PCDH9: variants seen among roughly 807,000 people sequenced by gnomAD.
PCDH9 encodes protocadherin 9.
Under a neutral mutation model 70.6 loss-of-function variants are expected in PCDH9, and 24 were observed. The observed-to-expected ratio is 0.34, with a 90% CI of 0.25 to 0.48. The LOEUF is 0.48. Among genes scored for constraint, PCDH9 ranks in the 20% least tolerant of loss-of-function variants. The probability of loss-of-function intolerance (pLI) is 0.99; values close to 1 mark genes in which losing one functional copy is unlikely to be tolerated. For synonymous variants in PCDH9, 562 were observed against 558.5 expected (o/e 1.01, Z -0.09); for missense variants, 1,281 against 1,503.6 (o/e 0.85, Z 2.45).
At chr13:66,695,670 C>G (rs529665491) in intron 3 of PCDH9, among the ~76,000 whole-genome samples, 52 of 152,168 alleles carry the variant, frequency 3.4e-4, no homozygotes, top group African/African-American at 1.3e-3. Context: ...CTAACTGTAT[C>G]CTGAAAAACT....
At chr13:66,656,804 T>C (rs1039129403) in intron 3 of PCDH9, among the ~76,000 whole-genome samples, 1 of 152,176 alleles carries the variant, frequency 6.6e-6, no homozygotes, top group African/African-American at 2.4e-5. Flanking sequence ...ATGAGTTAGG[T>C]ACAGTGTTGA....
At chr13:66,462,782 A>G (rs911417553) in intron 4 of PCDH9, among the ~76,000 whole-genome samples, 6 of 151,770 alleles carry the variant, frequency 4.0e-5, no homozygotes, top group Non-Finnish European at 5.9e-5. Flanking sequence ...CCTGCAGGTC[A>G]GTCCCCAAAG....
chr13:66,307,132 C>A (rs1566230582), intron 4 of PCDH9, among the ~76,000 whole-genome samples: 1 of 152,018 alleles, frequency 6.6e-6, no homozygotes, highest in Non-Finnish European at 1.5e-5. Flanking sequence ...TGATGAATAA[C>A]AAATTTCCTA....
intron 2 of PCDH9, among the ~76,000 whole-genome samples, chr13:67,023,622 A>C (rs967407433): frequency 1.3e-5 from 2 of 152,192 alleles, no homozygotes; most frequent in South Asian, 2.1e-4. Flanking sequence ...TGGACAAATA[A>C]ATGAATGCTC....
At chr13:66,326,821 T>C (rs1480703660) in intron 4 of PCDH9, among the ~76,000 whole-genome samples, 1 of 151,346 alleles carries the variant, frequency 6.6e-6, no homozygotes, top group Non-Finnish European at 1.5e-5. Flanking sequence ...TAAAAATAAA[T>C]GTATGAATTT....
chr13:66,672,482 G>A (rs1452709681), intron 3 of PCDH9, among the ~76,000 whole-genome samples: 1 of 152,186 alleles, frequency 6.6e-6, no homozygotes, highest in Non-Finnish European at 1.5e-5. Flanking sequence ...ATGCAGGAGG[G>A]AAATGAGGGG....
intron 3 of PCDH9, among the ~76,000 whole-genome samples, chr13:66,816,095 T>C (rs886442639): frequency 1.3e-5 from 2 of 152,242 alleles, no homozygotes; most frequent in African/African-American, 4.8e-5. Flanking sequence ...GTTCATTGAG[T>C]GCCACTAGGC....
intron 2 of PCDH9, among the ~76,000 whole-genome samples, chr13:66,943,182 G>A (rs530429641): frequency 1.3e-4 from 19 of 151,962 alleles, no homozygotes; most frequent in East Asian, 1.9e-4. Flanking sequence ...GCAATATTAC[G>A]TCTTATATTA....
intron 4 of PCDH9, among the ~76,000 whole-genome samples, chr13:66,533,649 AC>A (rs548480074): frequency 8.4e-4 from 128 of 152,266 alleles, no homozygotes; most frequent in African/African-American, 2.9e-3. Context: ...TCTGAAATAA[AC>A]AAAAACCATT....
chr13:66,447,833 C>A (rs1958125759), intron 4 of PCDH9, among the ~76,000 whole-genome samples: 1 of 152,074 alleles, frequency 6.6e-6, no homozygotes, highest in South Asian at 2.1e-4. Flanking sequence ...AGATTATTAT[C>A]TTGAATGTAT....
chr13:66,691,046 T>A (rs979622771), intron 3 of PCDH9, among the ~76,000 whole-genome samples: 5 of 152,174 alleles, frequency 3.3e-5, no homozygotes, highest in African/African-American at 1.2e-4. Flanking sequence ...TTATTTATTT[T>A]ATTTATTTTG....
chr13:66,754,640 T>C (rs2079513004), intron 3 of PCDH9, among the ~76,000 whole-genome samples: 1 of 152,134 alleles, frequency 6.6e-6, no homozygotes, highest in African/African-American at 2.4e-5. Flanking sequence ...CAGTTGCTGA[T>C]TGACTAACTT....
intron 3 of PCDH9, among the ~76,000 whole-genome samples, chr13:66,713,311 C>T (rs1335603486): frequency 6.6e-6 from 1 of 151,972 alleles, no homozygotes; most frequent in Non-Finnish European, 1.5e-5. Flanking sequence ...TTTCATATCA[C>T]TGCCATATTA....
intron 2 of PCDH9, among the ~76,000 whole-genome samples, chr13:67,011,124 T>A (rs553647397): frequency 6.6e-6 from 1 of 152,040 alleles, no homozygotes; most frequent in East Asian, 1.9e-4. Context: ...ATCATTTGTA[T>A]TGCCCCTTTT....
At chr13:67,073,763 T>C (rs1228478248) in intron 2 of PCDH9, among the ~76,000 whole-genome samples, 1 of 152,142 alleles carries the variant, frequency 6.6e-6, no homozygotes, top group Non-Finnish European at 1.5e-5. Context: ...GTTTGGTAAC[T>C]TTCATTTTGT....
chr13:66,477,289 T>C (rs1285735369), intron 4 of PCDH9, among the ~76,000 whole-genome samples: 1 of 152,150 alleles, frequency 6.6e-6, no homozygotes, highest in Non-Finnish European at 1.5e-5. Flanking sequence ...CTCAGTTTGC[T>C]CACCTATAAA....
At chr13:66,759,883 T>C (rs1477519243) in intron 3 of PCDH9, among the ~76,000 whole-genome samples, 1 of 152,168 alleles carries the variant, frequency 6.6e-6, no homozygotes, top group Non-Finnish European at 1.5e-5. Context: ...GATTTACATA[T>C]CACCATTATA....
At chr13:66,469,543 G>C (rs1236154191) in intron 4 of PCDH9, among the ~76,000 whole-genome samples, 1 of 151,994 alleles carries the variant, frequency 6.6e-6, no homozygotes, top group Non-Finnish European at 1.5e-5. Context: ...GTAACCAAAT[G>C]CTGCAAAATG....
chr13:66,368,573 GTA>G (rs147768914), intron 4 of PCDH9, among the ~76,000 whole-genome samples: 3,536 of 150,328 alleles, frequency 0.024, 120 homozygotes, highest in African/African-American at 0.078. Context: ...GTATATTCGT[GTA>G]TATATATATA....
Sources: gnomAD v4.1 joint callset for allele counts (sites outside exome capture counted in the v4.1 genomes callset) on GRCh38, gnomAD v4.1.1 for gene constraint, MANE v1.5 for transcripts, NCBI Gene and HGNC (gene_info 2026-07-23, HGNC 2026-07-21) for gene names.